Variants in JAZF1 observed in about 807,000 individuals in gnomAD.
JAZF1 encodes the protein JAZF zinc finger 1.
In JAZF1, 8 loss-of-function variants were observed where a neutral mutation model predicts 26.4. That is an observed-to-expected ratio of 0.30 (90% CI 0.18 to 0.55). JAZF1 has a LOEUF of 0.55. JAZF1 is among the 20% of genes least tolerant of loss of function. The pLI is 0.94. For missense variants in JAZF1, 199 were observed against 322.0 expected (o/e 0.62, Z 2.92); for synonymous variants, 126 against 122.3 (o/e 1.03, Z -0.20).
rs374310672 is a variant in JAZF1, at chr7:27,842,988, C to T, written c.386-2121G>A. ...TCCACTGGATCAAAAGCGATCAGCC[C>T]GAGGCGTTGAAGCAGCCTACACTGT... On this transcript the variant is annotated intron_variant, in intron 3 of 4. Coordinates refer to ENST00000283928, the MANE Select transcript of JAZF1 (RefSeq NM_175061.4). 5.3e-5 allele frequency: 8 copies of T among 152,302 alleles called. No individual in the cohort carries two copies. The East Asian group carries it at 7.7e-4, about 15-fold the overall frequency. 9.4% of individuals were successfully genotyped at this position (152,302 alleles called of 1,614,324 possible). A position where few individuals can be genotyped will look rare whatever the true frequency, so the allele number is the denominator to read the frequency against.
chr7:28,137,897 A>G (rs1172383817), intron 1 of JAZF1, among the ~76,000 whole-genome samples: 1 of 152,208 alleles, frequency 6.6e-6, no homozygotes, highest in African/African-American at 2.4e-5. Flanking sequence ...CTATGGGTAG[A>G]TACAATTAAT....
At position 28,042,180 on chromosome 7, in the gene JAZF1, GA is replaced by G. The variant is rs544150980; in HGVS notation, c.116-50200del. Among the ~76,000 whole-genome samples the G allele has an allele frequency of 1.1e-3, 160 of 152,358 alleles. 1 individual carries two copies. The highest frequency in any genetic ancestry group is 3.7e-3 in the African/African-American group (154 of 41,588). On this transcript the variant is annotated intron_variant, in intron 1 of 4. Coordinates refer to ENST00000283928, the MANE Select transcript of JAZF1 (RefSeq NM_175061.4). Reference sequence around the variant, plus strand: ...AGAGATGGTGACAATATTTCAAAGAGATGGAGCCAACTGTGACAGAAAGAGG... The same window carrying G: ...AGAGATGGTGACAATATTTCAAAGAGTGGAGCCAACTGTGACAGAAAGAGG...
At chr7:28,171,064 C>T (rs1286455795) in intron 1 of JAZF1, among the ~76,000 whole-genome samples, 2 of 152,156 alleles carry the variant, frequency 1.3e-5, no homozygotes, top group African/African-American at 4.8e-5. Flanking sequence ...AAGAGCTGCC[C>T]AAGTTTGAAA....
chr7:28,036,053 A>T (rs146780917), intron 1 of JAZF1, among the ~76,000 whole-genome samples: 11 of 152,340 alleles, frequency 7.2e-5, no homozygotes, highest in African/African-American at 2.6e-4. Flanking sequence ...AAGTACATGT[A>T]TGTGAGATGA....
intron 1 of JAZF1, among the ~76,000 whole-genome samples, chr7:28,052,303 TAAG>T (rs759887838): frequency 2.3e-4 from 35 of 152,340 alleles, no homozygotes; most frequent in Non-Finnish European, 4.9e-4. Context: ...CTTCTGCTCT[TAAG>T]AAGTTGAATA....
rs193289064 is a variant in JAZF1 at position 28,164,989 on chromosome 7, G to A, written c.115+15474C>T. ...TTTGAGACCAGCCTGGGCAACACAG[G>A]GAGACCCCATCTCTACAAAAAATAT... is the stretch of plus-strand genomic sequence containing the variant. On this transcript the variant is annotated intron_variant, in intron 1 of 4. Coordinates refer to ENST00000283928, the MANE Select transcript of JAZF1 (RefSeq NM_175061.4). Among the ~76,000 whole-genome samples the A allele has an allele frequency of 7.9e-5, 12 of 152,100 alleles. 1 individual carries two copies. In the East Asian group the frequency reaches 2.3e-3, roughly 30 times the overall value.
At chr7:28,019,542 G>A (rs1782967560) in intron 1 of JAZF1, among the ~76,000 whole-genome samples, 2 of 152,010 alleles carry the variant, frequency 1.3e-5, no homozygotes, top group South Asian at 4.2e-4. Context: ...CCTCTGCTTT[G>A]CTGCCCCTCC....
chr7:27,989,903 A>T (rs1785860698), intron 2 of JAZF1, among the ~76,000 whole-genome samples: 2 of 152,240 alleles, frequency 1.3e-5, no homozygotes, highest in African/African-American at 4.8e-5. Context: ...AGAACTAGAA[A>T]TACCACTTGA....
chr7:28,020,159 T>C (rs1308235601), intron 1 of JAZF1, among the ~76,000 whole-genome samples: 8 of 152,288 alleles, frequency 5.3e-5, no homozygotes, highest in African/African-American at 1.9e-4. Context: ...AGATACCATT[T>C]TTTCCTCATG....
rs151234002 is a variant in JAZF1 at position 28,036,783 on chromosome 7, G to C, written c.116-44802C>G. ...GGCACTCAGGGGTATGGGATGTTGG[G>C]GGTGAGGCTGTGCTCCTGGAGAAGG... On this transcript the variant is annotated intron_variant, in intron 1 of 4. Transcript: ENST00000283928. Among the ~76,000 whole-genome samples, 1,324 of 152,360 alleles carry C rather than the reference G, an allele frequency of 8.7e-3. 18 individuals carry two copies. The highest frequency in any genetic ancestry group is 0.03 in the African/African-American group (1,260 of 41,590).
intron 3 of JAZF1, among the ~76,000 whole-genome samples, chr7:27,864,807 A>T (rs1783447196): frequency 6.6e-6 from 1 of 152,246 alleles, no homozygotes; most frequent in African/African-American, 2.4e-5. Flanking sequence ...TAACCAAGTC[A>T]GAAGTCCCAC....
intron 2 of JAZF1, among the ~76,000 whole-genome samples, chr7:27,899,733 G>C (rs1435087336): frequency 6.6e-6 from 1 of 152,106 alleles, no homozygotes; most frequent in Non-Finnish European, 1.5e-5. Flanking sequence ...ACTCACTTGG[G>C]TTTTAGAGCA....
At chr7:28,107,894 A>G (rs1360551632) in intron 1 of JAZF1, among the ~76,000 whole-genome samples, 1 of 152,216 alleles carries the variant, frequency 6.6e-6, no homozygotes, top group East Asian at 1.9e-4. Context: ...TGGCCTACAA[A>G]TGAAACCAGA....
chr7:27,845,929 G>C (rs1416728902), intron 3 of JAZF1, among the ~76,000 whole-genome samples: 2 of 151,826 alleles, frequency 1.3e-5, no homozygotes, highest in African/African-American at 4.8e-5. Flanking sequence ...CTAAATCGCA[G>C]GATGCTTCAA....
chr7:27,975,840 C>T lies in JAZF1; in HGVS notation c.188+16069G>A, dbSNP rs114459173. 1.9e-3 allele frequency among the ~76,000 whole-genome samples: 283 copies of T among 152,260 alleles called. 3 individuals are homozygous for T. Among genetic ancestry groups the T allele is most frequent in the African/African-American group, 6.4e-3 (264 of 41,542 alleles). On this transcript the variant is annotated intron_variant, in intron 2 of 4. Coordinates refer to ENST00000283928, the MANE Select transcript of JAZF1 (RefSeq NM_175061.4). ...TCTGATGTGATTTCAATTGTATAAG[C>T]AACCTGTTTAAAACATAGAGTGTCC...
chr7:27,864,430 C>T (rs1783436940), intron 3 of JAZF1, among the ~76,000 whole-genome samples: 4 of 152,146 alleles, frequency 2.6e-5, no homozygotes, highest in Admixed American at 2.6e-4. Flanking sequence ...TCATCCTTTT[C>T]TTCTTTTCAT....
chr7:28,114,232 T>C (rs912804769), intron 1 of JAZF1, among the ~76,000 whole-genome samples: 1 of 152,138 alleles, frequency 6.6e-6, no homozygotes, highest in African/African-American at 2.4e-5. Flanking sequence ...ACTGATGCTT[T>C]CACCTTCTGG....
At chr7:27,854,081 T>C (rs1027802818) in intron 3 of JAZF1, among the ~76,000 whole-genome samples, 1 of 152,248 alleles carries the variant, frequency 6.6e-6, no homozygotes, top group Non-Finnish European at 1.5e-5. Context: ...ATATTTAGGA[T>C]AGTTAGCTCT....
intron 2 of JAZF1, among the ~76,000 whole-genome samples, chr7:27,939,741 C>T (rs559884142): frequency 4.6e-5 from 7 of 152,214 alleles, no homozygotes; most frequent in Non-Finnish European, 8.8e-5. Flanking sequence ...CTTGGGCACT[C>T]GCAATAGGGA....
Sources: allele counts gnomAD v4.1 joint callset (sites outside exome capture counted in the v4.1 genomes callset), GRCh38; gene constraint gnomAD v4.1.1; transcripts MANE v1.5; gene names NCBI Gene and HGNC (gene_info 2026-07-23, HGNC 2026-07-21).